Variants in CACNA2D3 observed in about 807,000 individuals in gnomAD.
CACNA2D3 encodes the protein calcium voltage-gated channel auxiliary subunit alpha2delta 3.
CACNA2D3 carries 60 observed loss-of-function variants against 160.6 expected under a neutral mutation model. The ratio of observed to expected loss-of-function variants is 0.37; its 90% CI spans 0.30 to 0.46. CACNA2D3 has a LOEUF of 0.46. Among genes scored for constraint, CACNA2D3 ranks in the 20% least tolerant of loss-of-function variants. The probability of loss-of-function intolerance (pLI) is 1.00; values close to 1 mark genes in which losing one functional copy is unlikely to be tolerated. For missense variants in CACNA2D3, 1,205 were observed against 1,365.0 expected, an observed-to-expected ratio of 0.88 and a Z score of 1.85; for synonymous variants, 558 against 492.9, an observed-to-expected ratio of 1.13 and a Z score of -1.75.
At chr3:54,821,149 G>T (rs1487524445) in intron 14 of CACNA2D3, among the ~76,000 whole-genome samples, 1 of 152,140 alleles carries the variant, frequency 6.6e-6, no homozygotes, top group Non-Finnish European at 1.5e-5. Context: ...TTTCCTAGGT[G>T]CTCTATGTCT....
At position 54,976,942 on chromosome 3, in the gene CACNA2D3, A is replaced by G. The variant is rs562025400; in HGVS notation, c.2556+7098A>G. On this transcript the variant is annotated intron_variant, in intron 29 of 37. Coordinates refer to ENST00000474759, the MANE Select transcript of CACNA2D3 (RefSeq NM_018398.3). The stretch of plus-strand genomic sequence containing the variant: ...AGAAGAAAGGTCAGAAAAAGAACCA[A>G]ATGTTTACAGCAAATAATAAAAAGT... 2.0e-5 allele frequency among the ~76,000 whole-genome samples: 3 copies of G among 152,314 alleles called. No individual in the cohort carries two copies. The East Asian group carries it at 5.8e-4, about 29-fold the overall frequency.
intron 5 of CACNA2D3, among the ~76,000 whole-genome samples, chr3:54,518,222 C>T (rs1387611514): frequency 6.6e-6 from 1 of 152,184 alleles, no homozygotes; most frequent in African/African-American, 2.4e-5. Context: ...CCGCTCCTCC[C>T]TTTGCTAGCT....
chr3:54,575,207 C>G (rs1039386460), intron 8 of CACNA2D3, among the ~76,000 whole-genome samples: 1 of 152,176 alleles, frequency 6.6e-6, no homozygotes, highest in Non-Finnish European at 1.5e-5. Flanking sequence ...AAAAGTGCAC[C>G]AGTAAAACTG....
intron 18 of CACNA2D3, chr3:54,877,005 T>C (rs1699676261): frequency 6.6e-6 from 1 of 152,156 alleles, no homozygotes; most frequent in Non-Finnish European, 1.5e-5. Context: ...AACATCGATA[T>C]CGTGGTTTAC....
chr3:54,311,142 T>A (rs1229984332), intron 2 of CACNA2D3, among the ~76,000 whole-genome samples: 1 of 152,172 alleles, frequency 6.6e-6, no homozygotes, highest in Non-Finnish European at 1.5e-5. Flanking sequence ...TGACACAGAT[T>A]CTTTCCACTG....
At chr3:54,590,612 A>ATTG (rs1472224700) in intron 9 of CACNA2D3, among the ~76,000 whole-genome samples, 1 of 151,344 alleles carries the variant, frequency 6.6e-6, no homozygotes, top group African/African-American at 2.4e-5. Flanking sequence ...TATTATTATT[A>ATTG]TTATTATTTT....
At chr3:54,316,130 A>T (rs1703855187) in intron 2 of CACNA2D3, among the ~76,000 whole-genome samples, 1 of 98,018 alleles carries the variant, frequency 1.0e-5, no homozygotes, top group South Asian at 3.6e-4. Flanking sequence ...TAAAACAAAA[A>T]GTAAGCAGTT....
intron 11 of CACNA2D3, among the ~76,000 whole-genome samples, chr3:54,693,650 A>G (rs148411857): frequency 6.6e-6 from 1 of 152,342 alleles, no homozygotes; most frequent in Admixed American, 6.5e-5. Flanking sequence ...TGACAGCTCC[A>G]TGCCTGTTAT....
chr3:54,552,541 A>G (rs1288716056), intron 5 of CACNA2D3, among the ~76,000 whole-genome samples: 1 of 152,156 alleles, frequency 6.6e-6, no homozygotes, highest in Non-Finnish European at 1.5e-5. Flanking sequence ...GCTTTGAGCA[A>G]GGTAATGTAC....
At chr3:54,998,519 T>G (rs540771033) in intron 31 of CACNA2D3, among the ~76,000 whole-genome samples, 1 of 152,220 alleles carries the variant, frequency 6.6e-6, no homozygotes, top group South Asian at 2.1e-4. Flanking sequence ...TACAATTTTG[T>G]TTCTCTTTAT....
intron 35 of CACNA2D3, among the ~76,000 whole-genome samples, chr3:55,052,454 G>GTA (rs2107208023): frequency 8.2e-6 from 1 of 122,214 alleles, no homozygotes; most frequent in African/African-American, 2.9e-5. Context: ...ATACCTGTGT[G>GTA]TGTATATATA....
Position 54,993,885 on chromosome 3 carries a change from AGTGTGTGTGTGTGTGTGTGT to A in CACNA2D3, c.2690+6149_2690+6168del, listed in dbSNP as rs34012508. Among the ~76,000 whole-genome samples the A allele has an allele frequency of 4.2e-3, 469 of 111,542 alleles. 4 individuals carry two copies. The highest frequency in any genetic ancestry group is 0.014 in the African/African-American group (421 of 29,620). The allele number at this position is 111,542 out of a possible 152,430, so 73.2% of individuals were successfully genotyped here. The stretch of plus-strand genomic sequence containing the variant: ...TTTTTTTTTTTTGGTTGCAACTGCT[AGTGTGTGTGTGTGTGTGTGT>A]GTGTGTGTGTGTGTGTTTTGTGTGT... On this transcript the variant is annotated intron_variant, in intron 31 of 37. Transcript: ENST00000474759.
intron 2 of CACNA2D3, among the ~76,000 whole-genome samples, chr3:54,251,634 A>T (rs527705352): frequency 6.6e-5 from 10 of 152,306 alleles, no homozygotes; most frequent in Non-Finnish European, 1.2e-4. Context: ...ATTCCATCTC[A>T]TCTAGCTCCT....
At chr3:54,950,254 G>A (rs1032725553) in intron 27 of CACNA2D3, among the ~76,000 whole-genome samples, 2 of 152,202 alleles carry the variant, frequency 1.3e-5, no homozygotes, top group Admixed American at 6.5e-5. Flanking sequence ...TTTCTTAAAT[G>A]CTGAATGTGG....
At chr3:54,199,691 T>C (rs1559879997) in intron 2 of CACNA2D3, among the ~76,000 whole-genome samples, 1 of 152,160 alleles carries the variant, frequency 6.6e-6, no homozygotes, top group Non-Finnish European at 1.5e-5. Flanking sequence ...TGAAAGAACA[T>C]TTATCCAAGT....
intron 2 of CACNA2D3, among the ~76,000 whole-genome samples, chr3:54,184,979 G>A (rs559563178): frequency 3.0e-4 from 46 of 152,338 alleles, no homozygotes; most frequent in African/African-American, 1.1e-3. Flanking sequence ...TTGGCGTTGT[G>A]TGACTACCCC....
chr3:54,729,765 C>T (rs1701350064), intron 11 of CACNA2D3, among the ~76,000 whole-genome samples: 1 of 152,042 alleles, frequency 6.6e-6, no homozygotes. Flanking sequence ...TTTGGGAGGC[C>T]ATGGTGGGTG....
At chr3:55,054,820 A>C (rs1704322992) in intron 35 of CACNA2D3, among the ~76,000 whole-genome samples, 1 of 151,936 alleles carries the variant, frequency 6.6e-6, no homozygotes, top group African/African-American at 2.4e-5. Context: ...ATATTCTTCT[A>C]GAGAATGTTG....
Position 54,466,694 on chromosome 3 carries a change from G to C in CACNA2D3, c.382-36798G>C, listed in dbSNP as rs1270426401. On this transcript the variant is annotated intron_variant, in intron 4 of 37. Coordinates refer to ENST00000474759, the MANE Select transcript of CACNA2D3 (RefSeq NM_018398.3). Reference sequence around the variant, plus strand: ...AGCTTAGTATGACTGATATAAAATAGTTGTAAAAAGTGACCAATCTCATTA... The same window carrying C: ...AGCTTAGTATGACTGATATAAAATACTTGTAAAAAGTGACCAATCTCATTA... Among the ~76,000 whole-genome samples the C allele has an allele frequency of 4.6e-5, 7 of 152,220 alleles. No individual in the cohort carries two copies. In the East Asian group the frequency reaches 1.3e-3, roughly 29 times the overall value.
Sources: allele counts gnomAD v4.1 joint callset (sites outside exome capture counted in the v4.1 genomes callset), GRCh38; gene constraint gnomAD v4.1.1; transcripts MANE v1.5; gene names NCBI Gene and HGNC (gene_info 2026-07-23, HGNC 2026-07-21).